ZNF850: variants seen among roughly 807,000 people sequenced by gnomAD.
ZNF850 encodes putative zinc finger protein ENSP00000330994.
A neutral mutation model predicts 11.9 loss-of-function variants in ZNF850; 2 were observed. The ratio of observed to expected loss-of-function variants is 0.17; its 90% CI spans 0.07 to 0.53. ZNF850 has a LOEUF of 0.53. Among genes scored for constraint, ZNF850 ranks in the 20% least tolerant of loss-of-function variants. ZNF850 has a pLI of 0.94. For synonymous variants in ZNF850, 381 were observed against 443.0 expected (o/e 0.86, Z 1.76); for missense variants, 1,014 against 1,316.4 (o/e 0.77, Z 3.55).
chr19:36,752,425 G>A lies in ZNF850; in HGVS notation c.236-1621C>T, dbSNP rs562662533. Among the ~76,000 whole-genome samples, 5 of 152,252 alleles carry A rather than the reference G, an allele frequency of 3.3e-5. No individual in the cohort carries two copies. In the South Asian group the frequency reaches 1.0e-3, roughly 32 times the overall value. ...AGAGGGTCCCATTGGCCAAAGATGG[G>A]ACAAGTTGAGCATGAATTCAAGAAT... is the stretch of plus-strand genomic sequence containing the variant. On this transcript the variant is annotated intron_variant, in intron 4 of 4. Transcript: ENST00000591344.
intron 4 of ZNF850, among the ~76,000 whole-genome samples, chr19:36,752,879 CTA>C (rs1188548138): frequency 6.6e-6 from 1 of 152,096 alleles, no homozygotes; most frequent in Non-Finnish European, 1.5e-5. Context: ...AGGGAGCAAA[CTA>C]TATTCAAGAT....
rs770965322 is a variant in ZNF850, at chr19:36,749,075, G to A, written c.1965C>T (p.Val655=). 6 of 1,601,788 alleles carry A rather than the reference G, an allele frequency of 3.7e-6. No homozygotes were observed. In the East Asian group the frequency reaches 9.0e-5, roughly 24 times the overall value. The change falls in exon 5 of 5, where the codon GTC becomes GTT. Residue 655 remains valine, a synonymous_variant. Transcript: ENST00000591344. ...GATGTTGGGTGAGTCCTGAGACACTGACAAAGGCTTTCCCACATTCCTGAC... is the reference window on the plus strand; with the variant it reads ...GATGTTGGGTGAGTCCTGAGACACTAACAAAGGCTTTCCCACATTCCTGAC... ...YQCQECGKAF[V]SVSGLTQHHR...
chr19:36,757,017 CA>C (rs1389761509), intron 4 of ZNF850, among the ~76,000 whole-genome samples: 3 of 152,176 alleles, frequency 2.0e-5, no homozygotes, highest in African/African-American at 7.2e-5. Context: ...CTGTAGCAGA[CA>C]GTCCAAAAAG....
rs1188731460 is a variant in ZNF850 at position 36,748,233 on chromosome 19, C to T, written c.2807G>A (p.Arg936His). ...RCHECGKAFVRFSGLTKHHSI... is the reference protein window; with the variant it reads ...RCHECGKAFVHFSGLTKHHSI... ...GTGATGTTTGGTGAGTCCTGAGAAA[C>T]GGACAAAGGCTTTTCCACATTCATG... The change falls in exon 5 of 5, where the codon CGT becomes CAT. Residue 936 changes from arginine (R) to histidine (H), a missense_variant. Around this residue, in one of 2 missense-constraint regions of ZNF850, gnomAD observed 179 missense variants for 294.4 expected, o/e 0.61. Coordinates refer to ENST00000591344, the MANE Select transcript of ZNF850 (RefSeq NM_001193552.2). 5.2e-6 allele frequency: 8 copies of T among 1,551,514 alleles called. No individual in the cohort carries two copies. Among genetic ancestry groups the T allele is most frequent in the East Asian group, 2.4e-5 (1 of 41,366 alleles).
rs1228679913 is a variant in ZNF850 at position 36,747,849 on chromosome 19, G to C, written c.3191C>G (p.Pro1064Arg). ...RHQSVHTGEKPYECKTCGKAF... is the reference protein window; with the variant it reads ...RHQSVHTGEKRYECKTCGKAF... ...CTTCCCACATGTCTTACATTCATAGGGTTTCTCGCCAGTGTGAACACTCTG... is the reference window on the plus strand; with the variant it reads ...CTTCCCACATGTCTTACATTCATAGCGTTTCTCGCCAGTGTGAACACTCTG... The change falls in exon 5 of 5, where the codon CCC becomes CGC. Residue 1064 changes from proline (P) to arginine (R), a missense_variant. Physicochemically the swap from Pro to Arg is moderately radical, Grantham distance 103 (BLOSUM62 -2). Around this residue, in one of 2 missense-constraint regions of ZNF850, gnomAD observed 179 missense variants for 294.4 expected, o/e 0.61. Coordinates refer to ENST00000591344, the MANE Select transcript of ZNF850 (RefSeq NM_001193552.2). 3.8e-6 allele frequency: 6 copies of C among 1,581,594 alleles called. No individual in the cohort carries two copies. Among genetic ancestry groups the C allele is most frequent in the African/African-American group, 1.3e-5 (1 of 74,234 alleles).
Position 36,748,115 on chromosome 19 carries a change from A to G in ZNF850, c.2925T>C (p.His975=), listed in dbSNP as rs2040424396. Residue 975 remains histidine (H), a synonymous_variant, in exon 5 of 5, where the codon CAT becomes CAC. Transcript: ENST00000591344. ...TACATTCATAAGGTCTGTCACCGGT[A>G]TGAATTCTCTGATGTAGAGTAAGGT... ...RTHLTLHQRI[H]TGDRPYECKE... is the part of the protein sequence containing the mutation. The G allele has an allele frequency of 6.5e-7, 1 of 1,549,870 alleles. No homozygotes were observed. The highest frequency in any genetic ancestry group is 8.7e-7 in the Non-Finnish European group (1 of 1,150,548).
At chr19:36,761,597 G>T (rs936797169) in intron 4 of ZNF850, 46 bp downstream of exon 4, 2 of 1,133,808 alleles carry the variant, frequency 1.8e-6, no homozygotes, top group African/African-American at 3.1e-5. Flanking sequence ...TGACAGGCTG[G>T]CTTCTAAACA....
chr19:36,744,645 G>T lies in ZNF850; in HGVS notation c.*3122C>A, dbSNP rs2040400749. The stretch of plus-strand genomic sequence containing the variant: ...TGTCACACATGAAAAAGACAACTGT[G>T]AACTGTAAAAAGCACTCCTCCATCT... On this transcript the variant is annotated 3_prime_UTR_variant, in exon 5 of 5. Coordinates refer to ENST00000591344, the MANE Select transcript of ZNF850 (RefSeq NM_001193552.2). 6.6e-6 allele frequency: 1 copy of T among 151,830 alleles called. No homozygotes were observed. The allele number at this position is 151,830 out of a possible 1,614,324, so 9.4% of individuals were successfully genotyped here. A position where few individuals can be genotyped will look rare whatever the true frequency, so the allele number is the denominator to read the frequency against.
At chr19:36,756,342 T>C (rs1329113842) in intron 4 of ZNF850, among the ~76,000 whole-genome samples, 1 of 152,220 alleles carries the variant, frequency 6.6e-6, no homozygotes, top group Non-Finnish European at 1.5e-5. Context: ...CATGTTTTTC[T>C]ACCCCCAGAG....
Position 36,750,192 on chromosome 19 carries a change from C to T in ZNF850, c.848G>A (p.Cys283Tyr), listed in dbSNP as rs1459099472. Residue 283 changes from cysteine to tyrosine, a missense_variant, in exon 5 of 5, where the codon TGT becomes TAT. Physicochemically the swap from Cys to Tyr is radical, Grantham distance 194. This residue lies in a region of ZNF850 where 835 missense variants were observed against 1,022.0 expected (regional missense o/e 0.82). Transcript: ENST00000591344. ...RIHTGDKPYE[C>Y]KECGKSFTSG... Reference sequence around the variant, plus strand: ...AGTAAAAGATTTCCCACATTCTTTACATTCATAAGGTTTGTCACCAGTATG... The same window carrying T: ...AGTAAAAGATTTCCCACATTCTTTATATTCATAAGGTTTGTCACCAGTATG... 1 of 1,539,206 alleles carries T rather than the reference C, an allele frequency of 6.5e-7. No homozygotes were observed. The highest frequency in any genetic ancestry group is 1.2e-5 in the South Asian group (1 of 84,064).
In ZNF850 at chr19:36,749,782, G is replaced by T; in HGVS notation, c.1258C>A (p.Pro420Thr). 2 of 1,557,550 alleles carry T rather than the reference G, an allele frequency of 1.3e-6. No individual in the cohort carries two copies. Among genetic ancestry groups the T allele is most frequent in the Non-Finnish European group, 1.7e-6 (2 of 1,154,476 alleles). ...GHQAIHTGEK[P>T]YDCKECGKSF... ...TTTCCACATTCTTTACAATCATAGG[G>T]TTTCTCACCAGTGTGAATTGCCTGG... is the stretch of plus-strand genomic sequence containing the variant. Residue 420 changes from proline (P) to threonine (T), a missense_variant, in exon 5 of 5, where the codon CCC (proline) becomes ACC (threonine). Pro to Thr is a conservative substitution (Grantham distance 38, BLOSUM62 -1). Transcript: ENST00000591344.
chr19:36,752,123 G>C (rs1394022758), intron 4 of ZNF850, among the ~76,000 whole-genome samples: 1 of 141,792 alleles, frequency 7.1e-6, no homozygotes, highest in Admixed American at 7.0e-5. Context: ...TGAATTGGCA[G>C]TATAAGAGTG....
At chr19:36,762,564 T>G (rs1387323853) in intron 2 of ZNF850, 31 bp downstream of exon 2, 2 of 1,535,420 alleles carry the variant, frequency 1.3e-6, no homozygotes, top group East Asian at 2.4e-5. Flanking sequence ...TGGGGAAGAG[T>G]AAAAAAATTA....
chr19:36,750,146 T>C lies in ZNF850; in HGVS notation c.894A>G (p.Gln298=). Residue 298 remains glutamine (Q), a synonymous_variant, in exon 5 of 5, where the codon CAA becomes CAG. Coordinates refer to ENST00000591344, the MANE Select transcript of ZNF850 (RefSeq NM_001193552.2). ...KSFTSGSTLN[Q]HQQIHTGEKP... ...TCTCACCAGTGTGAATTTGCTGATG[T>C]TGATTTAGTGTTGAGCCAGAAGTAA... 1 of 1,538,804 alleles carries C rather than the reference T, an allele frequency of 6.5e-7. No individual in the cohort carries two copies. Among genetic ancestry groups the C allele is most frequent in the Non-Finnish European group, 8.7e-7 (1 of 1,146,970 alleles).
Position 36,749,011 on chromosome 19 carries a change from C to A in ZNF850, c.2029G>T (p.Asp677Tyr), listed in dbSNP as rs751087804. 1 of 1,608,378 alleles carries A rather than the reference C, an allele frequency of 6.2e-7. No individual in the cohort carries two copies. Among genetic ancestry groups the A allele is most frequent in the East Asian group, 2.2e-5 (1 of 44,702 alleles). Residue 677 changes from aspartate (D) to tyrosine (Y), a missense_variant, in exon 5 of 5, where the codon GAC becomes TAC. Asp to Tyr is a radical substitution (Grantham distance 160). Transcript: ENST00000591344. Reference sequence around the variant, plus strand: ...CGCTGTCTAAAGGCCTTCCCACAGTCCGGACATTCATAGGGTTTCTCACCA... The same window carrying A: ...CGCTGTCTAAAGGCCTTCCCACAGTACGGACATTCATAGGGTTTCTCACCA... ...HTGEKPYECP[D>Y]CGKAFRQRTY...
At chr19:36,756,978 T>C (rs966381434) in intron 4 of ZNF850, among the ~76,000 whole-genome samples, 9 of 152,216 alleles carry the variant, frequency 5.9e-5, no homozygotes, top group African/African-American at 2.2e-4. Flanking sequence ...TGTTTCTGTA[T>C]ATATCAGAAT....
intron 4 of ZNF850, among the ~76,000 whole-genome samples, chr19:36,753,787 A>AG (rs1243191348): frequency 1.4e-4 from 21 of 152,288 alleles, no homozygotes; most frequent in African/African-American, 5.1e-4. Context: ...AGGACCAGAG[A>AG]GGTTAAGTAA....
Position 36,744,949 on chromosome 19 carries a change from C to T in ZNF850, c.*2818G>A, listed in dbSNP as rs1407506093. ...CCTGGCTAACATGGTGAAATTCCGT[C>T]TCTACTACAAATACAAAAAATTAGC... is the stretch of plus-strand genomic sequence containing the variant. On this transcript the variant is annotated 3_prime_UTR_variant, in exon 5 of 5. Transcript: ENST00000591344. 6.6e-6 allele frequency: 1 copy of T among 152,164 alleles called. No homozygotes were observed. Among genetic ancestry groups the T allele is most frequent in the Non-Finnish European group, 1.5e-5 (1 of 68,110 alleles). 9.4% of individuals were successfully genotyped at this position (152,164 alleles called of 1,614,324 possible). A position where few individuals can be genotyped will look rare whatever the true frequency, so the allele number is the denominator to read the frequency against.
At position 36,744,687 on chromosome 19, in the gene ZNF850, T is replaced by C. The variant is rs916584772; in HGVS notation, c.*3080A>G. ...CCTCCATCTTCACCCTCTCTGTATATATTTATGTTTAAATATCTCCAAGGA... is the reference window on the plus strand; with the variant it reads ...CCTCCATCTTCACCCTCTCTGTATACATTTATGTTTAAATATCTCCAAGGA... On this transcript the variant is annotated 3_prime_UTR_variant, in exon 5 of 5. Transcript: ENST00000591344. 3.9e-5 allele frequency: 6 copies of C among 152,170 alleles called. No homozygotes were observed. The highest frequency in any genetic ancestry group is 2.1e-4 in the South Asian group (1 of 4,836). The allele number at this position is 152,170 out of a possible 1,614,324, so 9.4% of individuals were successfully genotyped here.
Sources: allele counts gnomAD v4.1 joint callset (sites outside exome capture counted in the v4.1 genomes callset), GRCh38; gene constraint gnomAD v4.1.1; regional missense constraint gnomAD v4.1.1; transcripts MANE v1.5; gene names NCBI Gene and HGNC (gene_info 2026-07-23, HGNC 2026-07-21).